ELAVL1: variants seen among roughly 807,000 people sequenced by gnomAD.
ELAVL1 encodes ELAV like RNA binding protein 1.
Under a neutral mutation model 28.4 loss-of-function variants are expected in ELAVL1, and 1 was observed. That is an observed-to-expected ratio of 0.04 (90% CI 0.01 to 0.17). ELAVL1 has a LOEUF of 0.17. Ranked by LOEUF, ELAVL1 falls within the 10% of genes least tolerant of loss-of-function variation. ELAVL1 has a pLI of 1.00. For synonymous variants in ELAVL1, 174 were observed against 183.5 expected, an observed-to-expected ratio of 0.95 and a Z score of 0.42; for missense variants, 157 against 447.2, an observed-to-expected ratio of 0.35 and a Z score of 5.85.
At position 7,973,861 on chromosome 19, in the gene ELAVL1, C is replaced by T. The variant is rs367796896; in HGVS notation, c.294G>A (p.Pro98=). ...TGGCGTCTTTGATCACCTCTGAGCT[C>T]GGGCGAGCATACGACACCTTGGGAA... ...SKTIKVSYAR[P]SSEVIKDANL... is the part of the protein sequence containing the mutation. The change falls in exon 4 of 6, where the codon CCG becomes CCA. Residue 98 remains proline (P), a synonymous_variant. Coordinates refer to ENST00000407627, the MANE Select transcript of ELAVL1 (RefSeq NM_001419.3). 1.7e-5 allele frequency: 27 copies of T among 1,614,048 alleles called. No homozygotes were observed. The East Asian group carries it at 2.2e-4, about 13-fold the overall frequency.
chr19:7,967,863 C>A, intron 4 of ELAVL1, 73 bp from the exon 5 acceptor site: 1 of 1,533,776 alleles, frequency 6.5e-7, no homozygotes, highest in South Asian at 1.2e-5. Context: ...AAGCAAAAGT[C>A]AGGTCAGTCT....
At chr19:7,985,965 G>A (rs750920233) in intron 2 of ELAVL1, among the ~76,000 whole-genome samples, 5 of 152,252 alleles carry the variant, frequency 3.3e-5, no homozygotes, top group Non-Finnish European at 7.3e-5. Flanking sequence ...AGACAAAGCT[G>A]CCTCTGCGGG....
intron 1 of ELAVL1, among the ~76,000 whole-genome samples, chr19:8,002,361 C>T (rs1227670821): frequency 6.6e-6 from 1 of 152,162 alleles, no homozygotes; most frequent in Non-Finnish European, 1.5e-5. Flanking sequence ...ATTCTCACAG[C>T]ACTCATCAGA....
intron 1 of ELAVL1, among the ~76,000 whole-genome samples, chr19:7,993,116 G>A (rs935001521): frequency 6.6e-5 from 10 of 152,140 alleles, no homozygotes; most frequent in African/African-American, 2.2e-4. Flanking sequence ...TCATTGTAAT[G>A]CTACAGAACG....
intron 1 of ELAVL1, among the ~76,000 whole-genome samples, chr19:8,000,125 T>C (rs2081062709): frequency 6.6e-6 from 1 of 152,082 alleles, no homozygotes; most frequent in Non-Finnish European, 1.5e-5. Flanking sequence ...TCTCGCCATG[T>C]TGTTCAGGCT....
chr19:8,000,899 C>G (rs2081065586), intron 1 of ELAVL1, among the ~76,000 whole-genome samples: 1 of 152,260 alleles, frequency 6.6e-6, no homozygotes, highest in Admixed American at 6.5e-5. Context: ...GCTAAGGGCT[C>G]TGGCTTCTTT....
At chr19:7,990,643 G>C (rs1016032264) in intron 2 of ELAVL1, among the ~76,000 whole-genome samples, 4 of 152,188 alleles carry the variant, frequency 2.6e-5, no homozygotes, top group Non-Finnish European at 5.9e-5. Context: ...TGGGATTATA[G>C]GTGTGAGCCA....
intron 4 of ELAVL1, among the ~76,000 whole-genome samples, chr19:7,971,159 C>A (rs1985100469): frequency 6.6e-6 from 1 of 152,222 alleles, no homozygotes. Context: ...CTGGGAGACA[C>A]TATCTTGCAG....
chr19:7,997,430 T>G (rs894900504), intron 1 of ELAVL1, among the ~76,000 whole-genome samples: 1 of 152,150 alleles, frequency 6.6e-6, no homozygotes, highest in African/African-American at 2.4e-5. Context: ...TTCTGTGCCT[T>G]CCTGGAAAAG....
At chr19:7,976,006 T>A (rs1985272393) in intron 3 of ELAVL1, among the ~76,000 whole-genome samples, 1 of 151,022 alleles carries the variant, frequency 6.6e-6, no homozygotes, top group South Asian at 2.1e-4. Flanking sequence ...GGTAGGAGGA[T>A]CACCTGAGCT....
intron 2 of ELAVL1, among the ~76,000 whole-genome samples, chr19:7,988,461 G>A (rs1265180955): frequency 1.3e-5 from 2 of 152,298 alleles, no homozygotes; most frequent in Middle Eastern, 3.4e-3. Flanking sequence ...GGGGAAAGGC[G>A]CTAAAGACAG....
Position 7,967,669 on chromosome 19 carries a change from T to A in ELAVL1, c.552A>T (p.Ala184=). The A allele has an allele frequency of 6.2e-7, 1 of 1,614,220 alleles. No homozygotes were observed. Among genetic ancestry groups the A allele is most frequent in the Non-Finnish European group, 8.5e-7 (1 of 1,180,042 alleles). The stretch of plus-strand genomic sequence containing the variant: ...CGTTTTTGTTCTGGTTGGGGTTGGC[T>A]GCAAACTTCACTGTGATGGGCTCAG... The part of the protein sequence containing the change: ...GSSEPITVKF[A]ANPNQNKNVA... Residue 184 remains alanine (A), a synonymous_variant, in exon 5 of 6, where the codon GCA becomes GCT. Transcript: ENST00000407627.
intron 2 of ELAVL1, among the ~76,000 whole-genome samples, chr19:7,983,592 C>T (rs1985522588): frequency 6.6e-6 from 1 of 152,148 alleles, no homozygotes; most frequent in African/African-American, 2.4e-5. Flanking sequence ...TCGAAGTGCT[C>T]AGCGCCTTCT....
chr19:7,991,354 C>T (rs1177998802), intron 2 of ELAVL1, among the ~76,000 whole-genome samples: 1 of 152,184 alleles, frequency 6.6e-6, no homozygotes, highest in Admixed American at 6.5e-5. Flanking sequence ...GTTCTCCAGC[C>T]CCTTCCAGCT....
Sources: gnomAD v4.1 joint callset for allele counts (sites outside exome capture counted in the v4.1 genomes callset) on GRCh38, gnomAD v4.1.1 for gene constraint, MANE v1.5 for transcripts, NCBI Gene and HGNC (gene_info 2026-07-23, HGNC 2026-07-21) for gene names.